Variants in AIDA observed in about 807,000 individuals in gnomAD.
The protein encoded by AIDA is axin interactor, dorsalization-associated protein.
Under a neutral mutation model 42.7 loss-of-function variants are expected in AIDA, and 18 were observed. That is an observed-to-expected ratio of 0.42 (90% confidence interval 0.29 to 0.63). The LOEUF is 0.63. AIDA is among the 20% of genes least tolerant of loss of function. The probability of loss-of-function intolerance (pLI) is 0.19; values close to 1 mark genes in which losing one functional copy is unlikely to be tolerated. For synonymous variants in AIDA, 104 were observed against 122.9 expected (o/e 0.85, Z 1.02); for missense variants, 250 against 354.1 (o/e 0.71, Z 2.36).
intron 4 of AIDA, among the ~76,000 whole-genome samples, 186 bp downstream of exon 4, chr1:222,693,603 C>T (rs1655433748): frequency 6.6e-6 from 1 of 151,982 alleles, no homozygotes; most frequent in African/African-American, 2.4e-5. Flanking sequence ...TATTCTACAA[C>T]GAAGGTAAAA....
intron 8 of AIDA, among the ~76,000 whole-genome samples, chr1:222,672,912 A>C (rs1366719414): frequency 2.0e-5 from 3 of 152,192 alleles, no homozygotes; most frequent in Non-Finnish European, 4.4e-5. Flanking sequence ...CCTATTTCCT[A>C]ACAATTAACT....
At chr1:222,708,628 C>T (rs1439695533) in intron 1 of AIDA, among the ~76,000 whole-genome samples, 1 of 151,970 alleles carries the variant, frequency 6.6e-6, no homozygotes, top group African/African-American at 2.4e-5. Flanking sequence ...CCTCAGCTTC[C>T]CAGTGCTAGG....
chr1:222,678,569 A>G (rs1664597159), intron 6 of AIDA, among the ~76,000 whole-genome samples: 1 of 152,132 alleles, frequency 6.6e-6, no homozygotes, highest in Admixed American at 6.6e-5. Flanking sequence ...TAATCTAACT[A>G]CTAAATATAT....
intron 7 of AIDA, 131 bp downstream of exon 7, chr1:222,675,965 G>T: frequency 9.8e-7 from 1 of 1,021,366 alleles, no homozygotes; most frequent in Non-Finnish European, 1.4e-6. Context: ...TTTGCCTCAT[G>T]ATAGAATGAA....
chr1:222,709,127 T>C (rs186361681), intron 1 of AIDA, among the ~76,000 whole-genome samples: 114 of 152,042 alleles, frequency 7.5e-4, no homozygotes, highest in Non-Finnish European at 1.4e-3. Context: ...ACAAAACAAA[T>C]ACAGAAAATG....
At chr1:222,693,967 A>G (rs902663884) in intron 3 of AIDA, 124 bp from the exon 4 acceptor site, 6 of 963,608 alleles carry the variant, frequency 6.2e-6, no homozygotes, top group African/African-American at 1.6e-5. Context: ...TAGAAAATGA[A>G]AAGTCCCAAA....
chr1:222,677,848 T>C (rs1664578755), intron 6 of AIDA, among the ~76,000 whole-genome samples: 3 of 152,186 alleles, frequency 2.0e-5, no homozygotes, highest in Admixed American at 6.5e-5. Flanking sequence ...GGCAGTTAGG[T>C]TGTTTCTAAT....
At chr1:222,693,721 A>T in intron 4 of AIDA, 68 bp downstream of exon 4, 1 of 1,250,260 alleles carries the variant, frequency 8.0e-7, no homozygotes, top group Non-Finnish European at 1.1e-6. Flanking sequence ...TTTGTTAAAT[A>T]GCCTTAACAT....
chr1:222,703,306 GTACAA>G, intron 1 of AIDA, 89 bp from the exon 2 acceptor site: 1 of 908,460 alleles, frequency 1.1e-6, no homozygotes. Context: ...AACATGTGAA[GTACAA>G]TTATTGTCCT....
At chr1:222,697,039 C>T (rs1356135458) in intron 2 of AIDA, among the ~76,000 whole-genome samples, 26 of 151,930 alleles carry the variant, frequency 1.7e-4, no homozygotes, top group African/African-American at 6.3e-4. Context: ...GCCTCCCAGG[C>T]TCAAGCGATT....
intron 2 of AIDA, among the ~76,000 whole-genome samples, chr1:222,698,169 T>A (rs901675554): frequency 4.6e-5 from 7 of 152,134 alleles, no homozygotes; most frequent in African/African-American, 1.7e-4. Context: ...GAAGACCAAA[T>A]AAGTATCATG....
In AIDA at chr1:222,668,389, T is replaced by C. The variant is rs1433674512; in HGVS notation, c.*1504A>G. 2.6e-5 allele frequency: 3 copies of C among 113,400 alleles called. No homozygotes were observed. The highest frequency in any genetic ancestry group is 3.4e-4 in the South Asian group (1 of 2,948). The allele number at this position is 113,400 out of a possible 1,614,324, so 7.0% of individuals were successfully genotyped here. A position where few individuals can be genotyped will look rare whatever the true frequency, so the allele number is the denominator to read the frequency against. On this transcript the variant is annotated 3_prime_UTR_variant, in exon 10 of 10. Transcript: ENST00000340020. ...GAACTGGGCAAAGTAAGGCAAATTC[T>C]TCATCCCCTAGAGCTATTGTGGACT...
chr1:222,708,593 C>G (rs1655907370), intron 1 of AIDA, among the ~76,000 whole-genome samples: 1 of 151,994 alleles, frequency 6.6e-6, no homozygotes, highest in Non-Finnish European at 1.5e-5. Context: ...TGGTCTTGAA[C>G]TCCTGACCTC....
At chr1:222,701,302 C>T (rs1447665697) in intron 2 of AIDA, among the ~76,000 whole-genome samples, 7 of 152,038 alleles carry the variant, frequency 4.6e-5, no homozygotes, top group Non-Finnish European at 8.8e-5. Flanking sequence ...TGTTTTAGGT[C>T]AAATCACTTT....
rs367641490 is a variant in AIDA at position 222,674,773 on chromosome 1, T to C, written c.583+1323A>G. 6.6e-5 allele frequency among the ~76,000 whole-genome samples: 10 copies of C among 152,364 alleles called. 3 individuals are homozygous for C. The highest frequency in any genetic ancestry group is 1.9e-4 in the East Asian group (1 of 5,190). ...TTTAATGACTACTCAAGTGTTTATG[T>C]ATTATTCAACAGATTTGTCTTAGAG... On this transcript the variant is annotated intron_variant, in intron 7 of 9. Transcript: ENST00000340020.
At chr1:222,694,138 T>G in intron 3 of AIDA, 72 bp downstream of exon 3, 2 of 1,341,464 alleles carry the variant, frequency 1.5e-6, no homozygotes, top group Non-Finnish European at 2.1e-6. Context: ...TTGACATAAA[T>G]GTCTAATGTT....
Position 222,669,747 on chromosome 1 carries a change from A to T in AIDA, c.*146T>A. The T allele has an allele frequency of 1.2e-6, 1 of 833,634 alleles. No homozygotes were observed. The highest frequency in any genetic ancestry group is 1.9e-6 in the Non-Finnish European group (1 of 538,124). 51.6% of individuals were successfully genotyped at this position (833,634 alleles called of 1,614,324 possible). A position where few individuals can be genotyped will look rare whatever the true frequency, so the allele number is the denominator to read the frequency against. ...TGTGCTGGACTCTGAATTCTGTGGT[A>T]CAGCTTTGCATTGGACTCCGTCCGG... is the stretch of plus-strand genomic sequence containing the variant. On this transcript the variant is annotated 3_prime_UTR_variant, in exon 10 of 10. Transcript: ENST00000340020.
chr1:222,703,059 T>C, intron 2 of AIDA, 89 bp downstream of exon 2: 1 of 1,050,556 alleles, frequency 9.5e-7, no homozygotes, highest in Non-Finnish European at 1.4e-6. Context: ...TTGTTTTTGT[T>C]TTGTTGTTTT....
chr1:222,681,099 G>T (rs143939451), intron 6 of AIDA, among the ~76,000 whole-genome samples: 108 of 152,162 alleles, frequency 7.1e-4, no homozygotes, highest in Middle Eastern at 3.4e-3. Flanking sequence ...GGTCTATAAA[G>T]AATGGTGTAC....
Sources: gnomAD v4.1 joint callset for allele counts (sites outside exome capture counted in the v4.1 genomes callset) on GRCh38, gnomAD v4.1.1 for gene constraint, MANE v1.5 for transcripts, NCBI Gene and HGNC (gene_info 2026-07-23, HGNC 2026-07-21) for gene names.